Variants in CDH9 observed in about 807,000 individuals in gnomAD.
CDH9 encodes cadherin-9.
Under a neutral mutation model 70.9 loss-of-function variants are expected in CDH9, and 28 were observed. That is an observed-to-expected ratio of 0.40 (90% CI 0.29 to 0.54). The LOEUF is 0.54. CDH9 is among the 20% of genes least tolerant of loss of function. The pLI is 0.59. For missense variants in CDH9, 874 were observed against 984.4 expected (o/e 0.89, Z 1.50); for synonymous variants, 409 against 343.1 (o/e 1.19, Z -2.12).
At chr5:26,939,897 C>A (rs1348873646) in intron 2 of CDH9, among the ~76,000 whole-genome samples, 1 of 152,030 alleles carries the variant, frequency 6.6e-6, no homozygotes, top group South Asian at 2.1e-4. Flanking sequence ...ACCCTGTAAT[C>A]CCAGCACTTT....
intron 1 of CDH9, among the ~76,000 whole-genome samples, chr5:27,028,948 C>A (rs1438547347): frequency 6.6e-6 from 1 of 151,716 alleles, no homozygotes; most frequent in African/African-American, 2.4e-5. Context: ...GAATTGTTGG[C>A]CACGTGAACA....
intron 11 of CDH9, among the ~76,000 whole-genome samples, chr5:26,884,617 A>C (rs1239440575): frequency 6.6e-6 from 1 of 152,164 alleles, no homozygotes; most frequent in African/African-American, 2.4e-5. Flanking sequence ...AACTGAGACA[A>C]ATGTTTTTCC....
Position 26,880,984 on chromosome 5 carries a change from T to TA in CDH9, c.*151dup, listed in dbSNP as rs1294960316. On this transcript the variant is annotated 3_prime_UTR_variant, in exon 12 of 12. Coordinates refer to ENST00000231021, the MANE Select transcript of CDH9 (RefSeq NM_016279.4). ...TCATTCGTATTCATTCACAAAGACT[T>TA]ACTGATTAAGCAAATCCCTACTTGA... 5 of 628,830 alleles carry TA rather than the reference T, an allele frequency of 8.0e-6. No individual in the cohort carries two copies. Among genetic ancestry groups the TA allele is most frequent in the African/African-American group, 1.9e-5 (1 of 53,896 alleles). The allele number at this position is 628,830 out of a possible 1,614,324, so 39.0% of individuals were successfully genotyped here. A position where few individuals can be genotyped will look rare whatever the true frequency, so the allele number is the denominator to read the frequency against.
At chr5:26,923,980 C>A (rs754106056) in intron 2 of CDH9, among the ~76,000 whole-genome samples, 1 of 151,738 alleles carries the variant, frequency 6.6e-6, no homozygotes, top group Non-Finnish European at 1.5e-5. Flanking sequence ...AATAATACAT[C>A]ATAAGACACT....
intron 1 of CDH9, among the ~76,000 whole-genome samples, chr5:26,993,556 G>A (rs957212247): frequency 6.6e-6 from 1 of 151,900 alleles, no homozygotes; most frequent in Admixed American, 6.6e-5. Context: ...GGGTTAGTAG[G>A]GGTGTGAACC....
rs745991592 is a variant in CDH9, at chr5:26,902,662, G to C, written c.1067C>G (p.Pro356Arg). The part of the protein sequence containing the change: ...RVDASNTHPD[P>R]RFLHLGPFKD... ...GAAAGGTCCCAGGTGTAAGAATCGT[G>C]GATCAGGGTGAGTGTTACTTGCATC... Residue 356 changes from proline (P) to arginine (R), a missense_variant, in exon 7 of 12, where the codon CCA becomes CGA. Pro to Arg is a moderately radical substitution (Grantham distance 103). Coordinates refer to ENST00000231021, the MANE Select transcript of CDH9 (RefSeq NM_016279.4). 21 of 1,583,574 alleles carry C rather than the reference G, an allele frequency of 1.3e-5. No homozygotes were observed. The highest frequency in any genetic ancestry group is 3.3e-5 in the Admixed American group (2 of 59,740).
chr5:27,012,976 C>T (rs991708608), intron 1 of CDH9, among the ~76,000 whole-genome samples: 6 of 151,838 alleles, frequency 4.0e-5, no homozygotes, highest in African/African-American at 1.5e-4. Context: ...TAATAATAGT[C>T]ATTTATTAGT....
At position 26,903,656 on chromosome 5, in the gene CDH9, C is replaced by A; in HGVS notation, c.980G>T (p.Gly327Val). Residue 327 changes from glycine (G) to valine (V), a missense_variant, in exon 6 of 12, where the codon GGG (glycine) becomes GTG (valine). Transcript: ENST00000231021. The part of the protein sequence containing the change: ...DVITDKDTQE[G>V]IITVKQNLDF... ...AGAAACCTGTTTGACAGTTATAATC[C>A]CTTCCTGTGTATCCTTGTCAGTGAT... 6.2e-7 allele frequency: 1 copy of A among 1,605,390 alleles called. No individual in the cohort carries two copies. The highest frequency in any genetic ancestry group is 8.5e-7 in the Non-Finnish European group (1 of 1,172,286).
chr5:26,927,156 T>C (rs1348793836), intron 2 of CDH9, among the ~76,000 whole-genome samples: 2 of 151,988 alleles, frequency 1.3e-5, no homozygotes, highest in African/African-American at 2.4e-5. Context: ...GAAAACCATG[T>C]GATTACTTAT....
intron 2 of CDH9, among the ~76,000 whole-genome samples, chr5:26,917,347 A>C (rs891533904): frequency 1.3e-5 from 2 of 151,936 alleles, no homozygotes; most frequent in Non-Finnish European, 1.5e-5. Context: ...AATAATCTTC[A>C]GTGGTCTTTT....
chr5:26,954,617 CT>C (rs1741913854), intron 2 of CDH9, among the ~76,000 whole-genome samples: 2 of 151,884 alleles, frequency 1.3e-5, no homozygotes, highest in Admixed American at 6.6e-5. Context: ...ATCTCCTGAC[CT>C]CGTGATCCGC....
intron 1 of CDH9, among the ~76,000 whole-genome samples, chr5:27,016,610 G>T (rs1267985926): frequency 6.6e-6 from 1 of 151,762 alleles, no homozygotes; most frequent in African/African-American, 2.4e-5. Flanking sequence ...ATAATTGGCA[G>T]CATAATTTTC....
intron 4 of CDH9, 118 bp downstream of exon 4, chr5:26,906,601 C>A (rs1417066794): frequency 2.9e-6 from 4 of 1,376,558 alleles, no homozygotes; most frequent in Non-Finnish European, 3.8e-6. Context: ...TGACAGGAAA[C>A]AAATAGAAAC....
intron 2 of CDH9, among the ~76,000 whole-genome samples, chr5:26,970,526 T>C (rs1263465401): frequency 6.6e-6 from 1 of 152,142 alleles, no homozygotes; most frequent in Non-Finnish European, 1.5e-5. Context: ...TCCCAATATA[T>C]TGTTGCTTCA....
intron 1 of CDH9, among the ~76,000 whole-genome samples, chr5:27,025,602 T>C (rs1391899479): frequency 6.6e-6 from 1 of 152,034 alleles, no homozygotes; most frequent in East Asian, 1.9e-4. Context: ...CAACAAACAG[T>C]TTCTGGGAAT....
chr5:26,934,342 G>A (rs1045659793), intron 2 of CDH9, among the ~76,000 whole-genome samples: 2 of 152,080 alleles, frequency 1.3e-5, no homozygotes, highest in Non-Finnish European at 2.9e-5. Flanking sequence ...GGTATGCCCT[G>A]TAGTCCCAGA....
chr5:27,035,370 C>T (rs1214624704), intron 1 of CDH9, among the ~76,000 whole-genome samples: 1 of 151,348 alleles, frequency 6.6e-6, no homozygotes, highest in Non-Finnish European at 1.5e-5. Context: ...TTTGTAAAGA[C>T]AACTTGTTTC....
At chr5:27,018,901 TG>T (rs1467115663) in intron 1 of CDH9, among the ~76,000 whole-genome samples, 1 of 152,090 alleles carries the variant, frequency 6.6e-6, no homozygotes, top group Admixed American at 6.6e-5. Flanking sequence ...AGTGATTTAT[TG>T]GGTTTTAGTT....
intron 2 of CDH9, among the ~76,000 whole-genome samples, chr5:26,943,080 C>G (rs1341061101): frequency 6.6e-6 from 1 of 152,134 alleles, no homozygotes; most frequent in Non-Finnish European, 1.5e-5. Context: ...CCTGCCAATA[C>G]TAGCATAAAA....
Sources: allele counts gnomAD v4.1 joint callset (sites outside exome capture counted in the v4.1 genomes callset), GRCh38; gene constraint gnomAD v4.1.1; transcripts MANE v1.5; gene names NCBI Gene and HGNC (gene_info 2026-07-23, HGNC 2026-07-21).